The following LYPLA1 variants were observed in gnomAD, a reference collection of about 807,000 sequenced individuals.
The protein encoded by LYPLA1 is acyl-protein thioesterase 1.
A neutral mutation model predicts 34.0 loss-of-function variants in LYPLA1; 17 were observed. The observed-to-expected ratio is 0.50, with a 90% confidence interval of 0.34 to 0.75. The LOEUF is 0.75. Among genes scored for constraint, LYPLA1 ranks in the 30% least tolerant of loss-of-function variants. The probability of loss-of-function intolerance (pLI) is 0.01; values close to 1 mark genes in which losing one functional copy is unlikely to be tolerated. For synonymous variants in LYPLA1, 98 were observed against 100.8 expected (o/e 0.97, Z 0.17); for missense variants, 203 against 288.8 (o/e 0.70, Z 2.15).
rs531933816 is a variant in LYPLA1, at chr8:54,086,201, G to A, written c.101+14707C>T. ...ATGGATTAAGGGCGGTGCAAGATGT[G>A]CTTTGTTAAACAGATGCTTGAAGGC... On this transcript the variant is annotated intron_variant, in intron 2 of 8. Transcript: ENST00000316963. Among the ~76,000 whole-genome samples, 249 of 151,928 alleles carry A rather than the reference G, an allele frequency of 1.6e-3. 3 individuals are homozygous for A. The highest frequency in any genetic ancestry group is 5.7e-3 in the African/African-American group (235 of 41,428).
chr8:54,071,753 A>C (rs6473906), intron 2 of LYPLA1, among the ~76,000 whole-genome samples: 19,791 of 152,190 alleles, frequency 0.13, 3,415 homozygotes, highest in African/African-American at 0.4. Context: ...AACAAGTGGA[A>C]ATGCATTCCA....
At position 54,046,743 on chromosome 8, in the gene LYPLA1, T is replaced by C. The variant is rs1805510102; in HGVS notation, c.*1322A>G. On this transcript the variant is annotated 3_prime_UTR_variant, in exon 9 of 9. Coordinates refer to ENST00000316963, the MANE Select transcript of LYPLA1 (RefSeq NM_006330.4). ...TTGAGAAATATCAAGCATACATTTT[T>C]GCTACATATTAATCTGTATGGTAAC... 2 of 152,250 alleles carry C rather than the reference T, an allele frequency of 1.3e-5. No individual in the cohort carries two copies. The highest frequency in any genetic ancestry group is 4.8e-5 in the African/African-American group (2 of 41,466). 9.4% of individuals were successfully genotyped at this position (152,250 alleles called of 1,614,324 possible). A position where few individuals can be genotyped will look rare whatever the true frequency, so the allele number is the denominator to read the frequency against.
intron 2 of LYPLA1, among the ~76,000 whole-genome samples, chr8:54,079,569 G>C (rs536288490): frequency 4.6e-5 from 7 of 152,212 alleles, no homozygotes; most frequent in Admixed American, 1.3e-4. Context: ...TTGGGAGGCT[G>C]AGTTGGGCGG....
At chr8:54,097,707 T>TG (rs1390956289) in intron 2 of LYPLA1, among the ~76,000 whole-genome samples, 1 of 152,170 alleles carries the variant, frequency 6.6e-6, no homozygotes, top group Non-Finnish European at 1.5e-5. Context: ...AAATAAACAG[T>TG]GGGGGATGCT....
chr8:54,084,641 C>A (rs954746326), intron 2 of LYPLA1, among the ~76,000 whole-genome samples: 2 of 151,860 alleles, frequency 1.3e-5, no homozygotes, highest in Admixed American at 6.6e-5. Context: ...AAATGGCAAA[C>A]CTTTAGCTAG....
intron 2 of LYPLA1, among the ~76,000 whole-genome samples, chr8:54,069,947 C>T (rs555098453): frequency 6.6e-6 from 1 of 152,290 alleles, no homozygotes; most frequent in Admixed American, 6.5e-5. Flanking sequence ...TGAGATACCA[C>T]TTCATACCTA....
rs753191062 is a variant in LYPLA1 at position 54,065,786 on chromosome 8, A to G, written c.129T>C (p.Gly43=). Residue 43 remains glycine, a synonymous_variant, in exon 3 of 9, where the codon GGT becomes GGC. Transcript: ENST00000316963. ...TATATTTGATATGTGAACTTCTGAT[A>G]CCTGCAAAGGCTTCTGCCCATCCGT... ...TGHGWAEAFA[G]IRSSHIKYIC... 1.2e-6 allele frequency: 2 copies of G among 1,613,856 alleles called. No individual in the cohort carries two copies. Among genetic ancestry groups the G allele is most frequent in the Non-Finnish European group, 1.7e-6 (2 of 1,179,894 alleles).
At chr8:54,083,648 T>C (rs1410454392) in intron 2 of LYPLA1, among the ~76,000 whole-genome samples, 1 of 152,214 alleles carries the variant, frequency 6.6e-6, no homozygotes, top group Non-Finnish European at 1.5e-5. Context: ...AACAAAAGGA[T>C]GTGGTTCTGT....
intron 3 of LYPLA1, among the ~76,000 whole-genome samples, chr8:54,063,869 T>TC (rs1443524628): frequency 6.6e-6 from 1 of 152,200 alleles, no homozygotes; most frequent in Non-Finnish European, 1.5e-5. Flanking sequence ...TGCCTAAGTG[T>TC]CCATTATAGC....
At chr8:54,067,748 T>C (rs1381285889) in intron 2 of LYPLA1, among the ~76,000 whole-genome samples, 1 of 149,398 alleles carries the variant, frequency 6.7e-6, no homozygotes, top group Non-Finnish European at 1.5e-5. Context: ...CAGGCTGGAG[T>C]GCAGTGGCGC....
chr8:54,094,417 G>A (rs1305410035), intron 2 of LYPLA1, among the ~76,000 whole-genome samples: 2 of 152,174 alleles, frequency 1.3e-5, no homozygotes, highest in Non-Finnish European at 2.9e-5. Context: ...CAGTTGCACT[G>A]TTGGCCAGAA....
chr8:54,101,724 AC>A, intron 1 of LYPLA1, 30 bp downstream of exon 1: 2 of 1,283,450 alleles, frequency 1.6e-6, no homozygotes, highest in Non-Finnish European at 1.0e-6. Context: ...GGCCCAGTGG[AC>A]CCCTCCGAGC....
intron 2 of LYPLA1, among the ~76,000 whole-genome samples, chr8:54,094,584 T>G (rs570930172): frequency 6.6e-6 from 1 of 152,222 alleles, no homozygotes; most frequent in African/African-American, 2.4e-5. Context: ...TGTGTGTACA[T>G]ATGTATGTAT....
chr8:54,072,179 A>G (rs1181839188), intron 2 of LYPLA1, among the ~76,000 whole-genome samples: 1 of 152,182 alleles, frequency 6.6e-6, no homozygotes, highest in Non-Finnish European at 1.5e-5. Flanking sequence ...TAACTGGGTG[A>G]CCATATGCAG....
intron 2 of LYPLA1, among the ~76,000 whole-genome samples, chr8:54,080,510 A>T (rs779356784): frequency 4.6e-5 from 7 of 152,230 alleles, no homozygotes; most frequent in Non-Finnish European, 1.0e-4. Context: ...CTTTATGTTT[A>T]CACTTACGAA....
At chr8:54,063,283 ATAAG>A (rs1563588363) in intron 4 of LYPLA1, 41 bp downstream of exon 4, 1 of 1,196,974 alleles carries the variant, frequency 8.4e-7, no homozygotes. Context: ...ATAACATTAA[ATAAG>A]TAATATAATG....
chr8:54,069,609 C>T (rs564003099), intron 2 of LYPLA1, among the ~76,000 whole-genome samples: 12 of 151,808 alleles, frequency 7.9e-5, no homozygotes, highest in African/African-American at 2.9e-4. Context: ...TACTCAGAAG[C>T]TGAGGCTGGA....
intron 2 of LYPLA1, among the ~76,000 whole-genome samples, chr8:54,090,828 T>C (rs1162696569): frequency 6.6e-6 from 1 of 152,064 alleles, no homozygotes; most frequent in Admixed American, 6.6e-5. Context: ...AGGGGTGGTT[T>C]CCCCCATGCT....
intron 2 of LYPLA1, among the ~76,000 whole-genome samples, chr8:54,070,648 G>A (rs568324702): frequency 1.8e-4 from 27 of 152,116 alleles, no homozygotes; most frequent in African/African-American, 3.4e-4. Flanking sequence ...ACTCAAACCC[G>A]GGAGGAGGAG....
Sources: allele counts gnomAD v4.1 joint callset (sites outside exome capture counted in the v4.1 genomes callset), GRCh38; gene constraint gnomAD v4.1.1; transcripts MANE v1.5; gene names NCBI Gene and HGNC (gene_info 2026-07-23, HGNC 2026-07-21).